CEP128: variants seen among roughly 807,000 people sequenced by gnomAD.
CEP128 encodes centrosomal protein 128.
Under a neutral mutation model 156.7 loss-of-function variants are expected in CEP128, and 132 were observed. The ratio of observed to expected loss-of-function variants is 0.84; its 90% CI spans 0.73 to 0.97. CEP128 has a LOEUF of 0.97. CEP128 is among the 50% of genes least tolerant of loss of function. CEP128 has a pLI of 0.00. For synonymous variants in CEP128, 469 were observed against 448.9 expected, an observed-to-expected ratio of 1.04 and a Z score of -0.57; for missense variants, 1,252 against 1,281.9, an observed-to-expected ratio of 0.98 and a Z score of 0.36.
chr14:80,500,118 T>C (rs1887667954), intron 24 of CEP128, among the ~76,000 whole-genome samples: 1 of 152,210 alleles, frequency 6.6e-6, no homozygotes, highest in Non-Finnish European at 1.5e-5. Flanking sequence ...TACACAAAGC[T>C]GACATAAATT....
intron 1 of CEP128, 96 bp from the exon 2 acceptor site, chr14:80,939,636 T>A (rs1886037528): frequency 6.6e-6 from 1 of 152,266 alleles, no homozygotes; most frequent in Non-Finnish European, 1.5e-5. Flanking sequence ...GTACAGACTA[T>A]GGCATAACAC....
chr14:80,682,235 G>T (rs1896352281), intron 19 of CEP128, among the ~76,000 whole-genome samples: 1 of 152,068 alleles, frequency 6.6e-6, no homozygotes, highest in Admixed American at 6.5e-5. Flanking sequence ...AGTAAGTGAA[G>T]AAAAAGATAA....
intron 16 of CEP128, among the ~76,000 whole-genome samples, chr14:80,773,085 C>A (rs1900601553): frequency 6.6e-6 from 1 of 152,118 alleles, no homozygotes; most frequent in Non-Finnish European, 1.5e-5. Context: ...CTGAATTCCT[C>A]CAGGTTTGGG....
At chr14:80,634,970 G>T (rs940816776) in intron 19 of CEP128, among the ~76,000 whole-genome samples, 25 of 152,286 alleles carry the variant, frequency 1.6e-4, no homozygotes, top group African/African-American at 5.8e-4. Flanking sequence ...CATAATGTTT[G>T]TGGTAGGCCA....
rs185992257 is a variant in CEP128 at position 80,659,017 on chromosome 14, A to C, written c.2807-78594T>G. Among the ~76,000 whole-genome samples the C allele has an allele frequency of 1.8e-3, 274 of 152,334 alleles. 2 individuals carry two copies. The highest frequency in any genetic ancestry group is 6.2e-3 in the African/African-American group (256 of 41,582). On this transcript the variant is annotated intron_variant, in intron 19 of 24. Coordinates refer to ENST00000555265, the MANE Select transcript of CEP128 (RefSeq NM_152446.5). ...AAACATGGCCTGTGACTACTAGAGG[A>C]AACAAATTTAGAGACATGTTTAGAA... is the stretch of plus-strand genomic sequence containing the variant.
At chr14:80,561,297 T>C (rs540826290) in intron 20 of CEP128, among the ~76,000 whole-genome samples, 4 of 152,230 alleles carry the variant, frequency 2.6e-5, no homozygotes, top group Non-Finnish European at 4.4e-5. Context: ...GCCTCACCCT[T>C]ACCCTCATAA....
At chr14:80,580,334 G>A (rs1469183519) in intron 20 of CEP128, 40 bp downstream of exon 20, 7 of 1,374,240 alleles carry the variant, frequency 5.1e-6, no homozygotes, top group East Asian at 2.3e-5. Context: ...AAAAACAAAT[G>A]TTTTCATACC....
chr14:80,771,976 T>C (rs1189922305), intron 16 of CEP128, among the ~76,000 whole-genome samples: 2 of 152,212 alleles, frequency 1.3e-5, no homozygotes, highest in South Asian at 4.1e-4. Flanking sequence ...TATTGGGAGC[T>C]GACCTTCTGT....
intron 20 of CEP128, among the ~76,000 whole-genome samples, chr14:80,580,006 G>A (rs1357506277): frequency 6.6e-6 from 1 of 152,070 alleles, no homozygotes; most frequent in Admixed American, 6.5e-5. Flanking sequence ...ACACCCATGG[G>A]GTCAGAATAC....
At chr14:80,639,467 C>T (rs1333130658) in intron 19 of CEP128, among the ~76,000 whole-genome samples, 1 of 152,046 alleles carries the variant, frequency 6.6e-6, no homozygotes. Flanking sequence ...TGGAATTCTC[C>T]CCAGCAATGT....
intron 21 of CEP128, among the ~76,000 whole-genome samples, chr14:80,537,709 T>G (rs1359335046): frequency 6.6e-6 from 1 of 152,216 alleles, no homozygotes; most frequent in East Asian, 1.9e-4. Context: ...TGTTAAAATA[T>G]GAACAAACAG....
At chr14:80,681,562 CG>C (rs1566853797) in intron 19 of CEP128, among the ~76,000 whole-genome samples, 1 of 152,146 alleles carries the variant, frequency 6.6e-6, no homozygotes. Context: ...AATTGAATCA[CG>C]GGGGTGGTTT....
intron 19 of CEP128, among the ~76,000 whole-genome samples, chr14:80,690,483 A>T (rs758466213): frequency 6.6e-6 from 1 of 152,006 alleles, no homozygotes; most frequent in South Asian, 2.1e-4. Context: ...AATAGCTTAG[A>T]GTTCTCACAA....
intron 19 of CEP128, among the ~76,000 whole-genome samples, chr14:80,669,711 T>C (rs1439526441): frequency 6.6e-6 from 1 of 152,158 alleles, no homozygotes; most frequent in Non-Finnish European, 1.5e-5. Flanking sequence ...GGTAGGAATG[T>C]AATGTAGTAC....
chr14:80,826,893 A>G (rs937719640), intron 13 of CEP128, among the ~76,000 whole-genome samples: 1 of 152,214 alleles, frequency 6.6e-6, no homozygotes, highest in African/African-American at 2.4e-5. Flanking sequence ...TAGAATTCTT[A>G]TGAATACAAA....
chr14:80,935,701 G>A (rs970075391), intron 2 of CEP128, among the ~76,000 whole-genome samples: 8 of 80,074 alleles, frequency 1.0e-4, no homozygotes, highest in Admixed American at 8.0e-4. Context: ...AAGTGAAACA[G>A]AAATTAATCG....
At chr14:80,869,189 T>C (rs536638693) in intron 8 of CEP128, among the ~76,000 whole-genome samples, 32 of 152,126 alleles carry the variant, frequency 2.1e-4, no homozygotes, top group African/African-American at 7.5e-4. Context: ...TTCTCAAGCA[T>C]GCACAGAACA....
Position 80,914,414 on chromosome 14 carries a change from G to T in CEP128, c.148-6C>A. On this transcript the variant is annotated splice_polypyrimidine_tract_variant and splice_region_variant and intron_variant, in intron 3 of 24. Coordinates refer to ENST00000555265, the MANE Select transcript of CEP128 (RefSeq NM_152446.5). ...CGCAGGTTCCGACTGGTATCCTTGAGAAAGAAAATGGACTGAATTAATTAT... is the reference window on the plus strand; with the variant it reads ...CGCAGGTTCCGACTGGTATCCTTGATAAAGAAAATGGACTGAATTAATTAT... The T allele has an allele frequency of 6.2e-7, 1 of 1,604,414 alleles. No homozygotes were observed. Among genetic ancestry groups the T allele is most frequent in the Non-Finnish European group, 8.5e-7 (1 of 1,171,430 alleles).
At chr14:80,761,366 G>A in intron 17 of CEP128, 71 bp downstream of exon 17, 1 of 1,177,654 alleles carries the variant, frequency 8.5e-7, no homozygotes, top group Non-Finnish European at 1.2e-6. Flanking sequence ...TACCACACAT[G>A]AAAATCCTAT....
Sources: allele counts gnomAD v4.1 joint callset (sites outside exome capture counted in the v4.1 genomes callset), GRCh38; gene constraint gnomAD v4.1.1; transcripts MANE v1.5; gene names NCBI Gene and HGNC (gene_info 2026-07-23, HGNC 2026-07-21).